The following NFATC2 variants were observed in gnomAD, a reference collection of about 807,000 sequenced individuals.
NFATC2 encodes the protein nuclear factor of activated T cells 2.
In NFATC2, 22 loss-of-function variants were observed where a neutral mutation model predicts 87.3. The ratio of observed to expected loss-of-function variants is 0.25; its 90% confidence interval spans 0.18 to 0.36. NFATC2 has a LOEUF of 0.36. NFATC2 is among the 10% of genes least tolerant of loss of function. NFATC2 has a pLI of 1.00. For synonymous variants in NFATC2, 565 were observed against 542.2 expected (o/e 1.04, Z -0.58); for missense variants, 1,149 against 1,259.1 (o/e 0.91, Z 1.32).
chr20:51,450,320 T>C (rs565565341), intron 6 of NFATC2, among the ~76,000 whole-genome samples: 2 of 152,330 alleles, frequency 1.3e-5, no homozygotes, highest in African/African-American at 4.8e-5. Flanking sequence ...GGGCAGCATG[T>C]ATCAACTGAA....
chr20:51,391,475 G>GA (rs778045810), intron 10 of NFATC2, 24 bp from the exon 11 acceptor site: 3 of 1,588,002 alleles, frequency 1.9e-6, no homozygotes, highest in Non-Finnish European at 1.7e-6. Flanking sequence ...GAGGAGGGGG[G>GA]GGGAGAGAGA....
chr20:51,396,590 A>C (rs933651688), intron 10 of NFATC2, among the ~76,000 whole-genome samples: 3 of 152,162 alleles, frequency 2.0e-5, no homozygotes, highest in African/African-American at 7.2e-5. Context: ...CCCAGCCACA[A>C]AGGCCATGGC....
chr20:51,419,478 C>T (rs1274418909), intron 9 of NFATC2, among the ~76,000 whole-genome samples: 1 of 152,062 alleles, frequency 6.6e-6, no homozygotes. Flanking sequence ...GATGAGGGTA[C>T]CATCCTGAGA....
chr20:51,507,493 G>C (rs1429161056), intron 3 of NFATC2, among the ~76,000 whole-genome samples: 1 of 152,188 alleles, frequency 6.6e-6, no homozygotes, highest in African/African-American at 2.4e-5. Context: ...CTCAACGAAA[G>C]AACAACAGAT....
rs1441921962 is a variant in NFATC2 at position 51,475,698 on chromosome 20, T to C, written c.1333-38A>G. On this transcript the variant is annotated intron_variant, in intron 3 of 10. Coordinates refer to ENST00000371564, the MANE Select transcript of NFATC2 (RefSeq NM_012340.5). The stretch of plus-strand genomic sequence containing the variant: ...AAAACAAAATCATTAAGGTGCGGGG[T>C]GTGGTGGCTCTAATCCAATAAACAA... The C allele has an allele frequency of 3.7e-6, 6 of 1,603,134 alleles. No individual in the cohort carries two copies. In the Admixed American group the frequency reaches 8.5e-5, roughly 23 times the overall value.
chr20:51,499,160 G>A (rs1048133336), intron 3 of NFATC2, among the ~76,000 whole-genome samples: 11 of 152,206 alleles, frequency 7.2e-5, no homozygotes, highest in African/African-American at 2.7e-4. Context: ...CAGAATGGGG[G>A]TGGTGTAGAC....
At chr20:51,553,081 A>T (rs978107757) in intron 1 of NFATC2, among the ~76,000 whole-genome samples, 4 of 148,570 alleles carry the variant, frequency 2.7e-5, no homozygotes, top group Admixed American at 2.0e-4. Context: ...CCAACTTCTT[A>T]AAAAAAAAAG....
chr20:51,401,191 G>A (rs912615118), intron 9 of NFATC2, among the ~76,000 whole-genome samples: 2 of 152,110 alleles, frequency 1.3e-5, no homozygotes, highest in African/African-American at 4.8e-5. Context: ...CCAATATGGT[G>A]AAACCCCGTC....
intron 6 of NFATC2, among the ~76,000 whole-genome samples, chr20:51,450,501 C>A (rs965026998): frequency 3.9e-5 from 6 of 151,900 alleles, no homozygotes; most frequent in Non-Finnish European, 7.4e-5. Flanking sequence ...CATAGTGAGA[C>A]CCCACTTCAA....
chr20:51,547,443 C>A (rs2076898406), upstream of NFATC2, among the ~76,000 whole-genome samples: 1 of 152,128 alleles, frequency 6.6e-6, no homozygotes, highest in Non-Finnish European at 1.5e-5. Context: ...GCTCCTCCTA[C>A]CACCCAAGGT....
intron 9 of NFATC2, among the ~76,000 whole-genome samples, chr20:51,416,106 A>T (rs1465507428): frequency 6.6e-6 from 1 of 152,134 alleles, no homozygotes; most frequent in African/African-American, 2.4e-5. Context: ...TACTAAAAAT[A>T]CAAAAATTAT....
intron 1 of NFATC2, among the ~76,000 whole-genome samples, chr20:51,536,264 C>T (rs1302463455): frequency 6.6e-6 from 1 of 152,202 alleles, no homozygotes; most frequent in African/African-American, 2.4e-5. Context: ...AAGCTAGAGA[C>T]AGCAGCTCCA....
At chr20:51,506,477 C>A (rs1450363114) in intron 3 of NFATC2, among the ~76,000 whole-genome samples, 3 of 152,162 alleles carry the variant, frequency 2.0e-5, no homozygotes, top group Non-Finnish European at 4.4e-5. Flanking sequence ...GAAGCCATCA[C>A]CTCCCCGTGT....
chr20:51,538,109 A>G (rs1419820543), intron 1 of NFATC2, among the ~76,000 whole-genome samples: 2 of 152,210 alleles, frequency 1.3e-5, no homozygotes, highest in Non-Finnish European at 2.9e-5. Flanking sequence ...TCCTGAGCTT[A>G]GAAAAGGAAA....
At chr20:51,533,876 T>C (rs2076676900) in intron 1 of NFATC2, among the ~76,000 whole-genome samples, 1 of 152,132 alleles carries the variant, frequency 6.6e-6, no homozygotes. Flanking sequence ...GGCCTCAAGG[T>C]CACCTTTTAG....
intron 3 of NFATC2, among the ~76,000 whole-genome samples, chr20:51,489,865 A>T: frequency 6.6e-6 from 1 of 152,210 alleles, no homozygotes; most frequent in East Asian, 1.9e-4. Context: ...AGGTATTCCC[A>T]AGAGGAGAGG....
At chr20:51,477,605 T>C (rs1429017655) in intron 3 of NFATC2, among the ~76,000 whole-genome samples, 3 of 139,584 alleles carry the variant, frequency 2.1e-5, no homozygotes, top group Non-Finnish European at 4.6e-5. Flanking sequence ...CAAAAGGACA[T>C]TGGTCTAGAG....
chr20:51,456,797 T>C (rs1986583679), intron 5 of NFATC2, among the ~76,000 whole-genome samples: 1 of 152,250 alleles, frequency 6.6e-6, no homozygotes, highest in African/African-American at 2.4e-5. Context: ...CCTTCCCTCC[T>C]GCCTTGCCTG....
chr20:51,421,088 AC>A (rs142668944), intron 9 of NFATC2, among the ~76,000 whole-genome samples: 132 of 147,288 alleles, frequency 9.0e-4, no homozygotes, highest in East Asian at 3.4e-3. Flanking sequence ...AAAAAAAAAA[AC>A]AAAAAAAACT....
Sources: gnomAD v4.1 joint callset for allele counts (sites outside exome capture counted in the v4.1 genomes callset) on GRCh38, gnomAD v4.1.1 for gene constraint, MANE v1.5 for transcripts, NCBI Gene and HGNC (gene_info 2026-07-23, HGNC 2026-07-21) for gene names.